The following KDM4B variants were observed in gnomAD, a reference collection of about 807,000 sequenced individuals.
KDM4B encodes the protein lysine demethylase 4B.
A neutral mutation model predicts 125.2 loss-of-function variants in KDM4B; 32 were observed. The ratio of observed to expected loss-of-function variants is 0.26; its 90% CI spans 0.19 to 0.34. The LOEUF is 0.34. Ranked by LOEUF, KDM4B falls within the 10% of genes least tolerant of loss-of-function variation. KDM4B has a pLI of 1.00. For synonymous variants in KDM4B, 721 were observed against 677.9 expected, an observed-to-expected ratio of 1.06 and a Z score of -0.99; for missense variants, 1,190 against 1,577.7, an observed-to-expected ratio of 0.75 and a Z score of 4.16.
chr19:5,094,390 T>C (rs956636198), intron 9 of KDM4B, among the ~76,000 whole-genome samples: 2 of 152,124 alleles, frequency 1.3e-5, no homozygotes, highest in African/African-American at 4.8e-5. Context: ...GGTCGGGGGC[T>C]GCAGTAAGGG....
chr19:5,002,779 T>C (rs1450081070), intron 1 of KDM4B, among the ~76,000 whole-genome samples: 1 of 151,424 alleles, frequency 6.6e-6, no homozygotes, highest in Non-Finnish European at 1.5e-5. Flanking sequence ...GAGACCCCCA[T>C]CTCTACAAAA....
In KDM4B at chr19:5,131,058, C is replaced by T. The variant is rs750995191; in HGVS notation, c.1316-18C>T. The T allele has an allele frequency of 4.0e-6, 6 of 1,489,422 alleles. No homozygotes were observed. Among genetic ancestry groups the T allele is most frequent in the African/African-American group, 1.4e-5 (1 of 71,338 alleles). The allele number at this position is 1,489,422 out of a possible 1,614,324, so 92.3% of individuals were successfully genotyped here. On this transcript the variant is annotated intron_variant, in intron 11 of 22. Transcript: ENST00000159111. ...AGCCCGGGTTCTCCTCCCTGACCTCCCTCTCCTCTTCCCACAGAGGACGGG... is the reference window on the plus strand; with the variant it reads ...AGCCCGGGTTCTCCTCCCTGACCTCTCTCTCCTCTTCCCACAGAGGACGGG...
chr19:5,058,677 G>A (rs1269957499), intron 6 of KDM4B, among the ~76,000 whole-genome samples: 1 of 152,220 alleles, frequency 6.6e-6, no homozygotes, highest in Non-Finnish European at 1.5e-5. Context: ...CCTGTCTGCG[G>A]CCCCTCGCTC....
chr19:5,119,817 C>G lies in KDM4B; in HGVS notation c.1280C>G (p.Pro427Arg). 6.5e-7 allele frequency: 1 copy of G among 1,544,128 alleles called. No individual in the cohort carries two copies. The highest frequency in any genetic ancestry group is 8.7e-7 in the Non-Finnish European group (1 of 1,144,674). The change falls in exon 11 of 23, where the codon CCA (proline) becomes CGA (arginine). Residue 427 changes from proline (P) to arginine (R), a missense_variant. Coordinates refer to ENST00000159111, the MANE Select transcript of KDM4B (RefSeq NM_015015.3). Reference sequence around the variant, plus strand: ...GAGGAGGAGGAGGAGGAGCCGCAGCCACTGCCACACGGCCGGGAGGCCGAG... The same window carrying G: ...GAGGAGGAGGAGGAGGAGCCGCAGCGACTGCCACACGGCCGGGAGGCCGAG... Reference protein sequence around the residue: ...DPEEEEEEPQPLPHGREAEGA... With the variant: ...DPEEEEEEPQRLPHGREAEGA...
intron 1 of KDM4B, among the ~76,000 whole-genome samples, chr19:4,981,078 C>T (rs1400873859): frequency 1.3e-5 from 2 of 152,062 alleles, no homozygotes; most frequent in South Asian, 2.1e-4. Flanking sequence ...TCATTAGTGG[C>T]GAGTCCGCGC....
chr19:5,111,821 A>G (rs770747548), intron 10 of KDM4B: 7 of 765,154 alleles, frequency 9.1e-6, no homozygotes, highest in Non-Finnish European at 1.7e-5. Context: ...TGGCAACTCA[A>G]GACCCTTGCA....
At chr19:5,021,783 G>C (rs1207421352) in intron 2 of KDM4B, among the ~76,000 whole-genome samples, 1 of 151,884 alleles carries the variant, frequency 6.6e-6, no homozygotes, top group African/African-American at 2.4e-5. Context: ...ACAGGAGCGT[G>C]CCACCATGCC....
chr19:5,090,023 GACAAAAAC>G (rs1025951903), intron 9 of KDM4B, among the ~76,000 whole-genome samples: 4 of 152,112 alleles, frequency 2.6e-5, no homozygotes, highest in African/African-American at 9.7e-5. Context: ...GGGGAAACAA[GACAAAAAC>G]ACAAAAACTG....
intron 9 of KDM4B, among the ~76,000 whole-genome samples, chr19:5,087,217 G>T (rs373253377): frequency 6.6e-6 from 1 of 152,268 alleles, no homozygotes; most frequent in African/African-American, 2.4e-5. Context: ...ATTTATTCCC[G>T]TGGGTGTCTT....
intron 15 of KDM4B, 112 bp downstream of exon 15, chr19:5,135,673 C>G: frequency 1.1e-6 from 1 of 917,816 alleles, no homozygotes; most frequent in East Asian, 2.6e-5. Context: ...CCCCTCTCCC[C>G]AGGCTGCACT....
rs1217782952 is a variant in KDM4B at position 4,997,507 on chromosome 19, C to G, written c.-108-18750C>G. ...GCCTGCGTACCCAGTGGGTGGCGCTCAGGTCTGCAGCTGCCTCCTTGGCTC... is the reference window on the plus strand; with the variant it reads ...GCCTGCGTACCCAGTGGGTGGCGCTGAGGTCTGCAGCTGCCTCCTTGGCTC... On this transcript the variant is annotated intron_variant, in intron 1 of 22. Coordinates refer to ENST00000159111, the MANE Select transcript of KDM4B (RefSeq NM_015015.3). The surrounding 1 kb of genome is among the most constrained non-coding windows in gnomAD (Gnocchi z 4.2). 6.6e-6 allele frequency among the ~76,000 whole-genome samples: 1 copy of G among 152,132 alleles called. No individual in the cohort carries two copies. Among genetic ancestry groups the G allele is most frequent in the Admixed American group, 6.5e-5 (1 of 15,282 alleles).
chr19:5,066,536 G>A (rs1351692212), intron 6 of KDM4B, among the ~76,000 whole-genome samples: 1 of 152,234 alleles, frequency 6.6e-6, no homozygotes, highest in African/African-American at 2.4e-5. Context: ...CAACTCCAGA[G>A]GGGCCACGTC....
chr19:5,131,136 T>C lies in KDM4B; in HGVS notation c.1376T>C (p.Phe459Ser), dbSNP rs981526389. Reference protein sequence around the residue: ...KAKSERKKKSFGLLPPQLPPP... With the variant: ...KAKSERKKKSSGLLPPQLPPP... ...AAGAGCGAGCGGAAGAAGAAGAGCT[T>C]CGGCCTGCTGCCCCCACAGCTGCCG... The change falls in exon 12 of 23, where the codon TTC becomes TCC. Residue 459 changes from phenylalanine (F) to serine (S), a missense_variant. Coordinates refer to ENST00000159111, the MANE Select transcript of KDM4B (RefSeq NM_015015.3). 7.8e-6 allele frequency: 12 copies of C among 1,539,472 alleles called. No individual in the cohort carries two copies. Among genetic ancestry groups the C allele is most frequent in the Non-Finnish European group, 8.7e-6 (10 of 1,143,066 alleles).
intron 7 of KDM4B, 77 bp downstream of exon 7, chr19:5,071,136 G>A (rs887535920): frequency 2.2e-5 from 30 of 1,382,156 alleles, no homozygotes; most frequent in African/African-American, 8.5e-5. Context: ...GGCAGCTGGC[G>A]TCCCCCGGGC....
In KDM4B at chr19:5,019,234, T is replaced by G. The variant is rs1599426443; in HGVS notation, c.-26+2895T>G. 3.3e-5 allele frequency among the ~76,000 whole-genome samples: 3 copies of G among 91,030 alleles called. No individual in the cohort carries two copies. In the Admixed American group the frequency reaches 3.8e-4, roughly 11 times the overall value. The allele number at this position is 91,030 out of a possible 152,430, so 59.7% of individuals were successfully genotyped here. ...CTGGTGTGGATGTTGGTGTGGGTGT[T>G]GGTGTGCACGTATTGGTGTGCAGGT... On this transcript the variant is annotated intron_variant, in intron 2 of 22. Coordinates refer to ENST00000159111, the MANE Select transcript of KDM4B (RefSeq NM_015015.3).
chr19:5,099,526 C>A (rs778149606), intron 9 of KDM4B, among the ~76,000 whole-genome samples: 23 of 152,216 alleles, frequency 1.5e-4, no homozygotes, highest in Admixed American at 4.6e-4. Context: ...GAGGCCTTCC[C>A]AGAATGGGGG....
At position 5,081,902 on chromosome 19, in the gene KDM4B, C is replaced by T. The variant is rs1308460592; in HGVS notation, c.781-465C>T. 3.9e-5 allele frequency among the ~76,000 whole-genome samples: 6 copies of T among 152,196 alleles called. No homozygotes were observed. The highest frequency in any genetic ancestry group is 7.3e-5 in the Non-Finnish European group (5 of 68,030). On this transcript the variant is annotated intron_variant, in intron 8 of 22. Coordinates refer to ENST00000159111, the MANE Select transcript of KDM4B (RefSeq NM_015015.3). This position sits in a 1 kb window ranked among gnomAD's most constrained non-coding sequence, Gnocchi z 4.2. Reference sequence around the variant, plus strand: ...CTCTAAAGCTGCTGTCAGCACCACCCGCCCCGAAACCAGCCCCAGCTGCTT... The same window carrying T: ...CTCTAAAGCTGCTGTCAGCACCACCTGCCCCGAAACCAGCCCCAGCTGCTT...
At chr19:5,096,554 G>A (rs1323877944) in intron 9 of KDM4B, among the ~76,000 whole-genome samples, 2 of 152,310 alleles carry the variant, frequency 1.3e-5, no homozygotes, top group African/African-American at 4.8e-5. Flanking sequence ...ACTTCCGTGC[G>A]ATGTGGCATT....
At chr19:5,040,123 G>A (rs1008825171) in intron 4 of KDM4B, 112 bp downstream of exon 4, 4 of 1,203,238 alleles carry the variant, frequency 3.3e-6, no homozygotes, top group African/African-American at 1.5e-5. Flanking sequence ...AGCATGGCCG[G>A]CCTGCTCTGT....
Sources: allele counts gnomAD v4.1 joint callset (sites outside exome capture counted in the v4.1 genomes callset), GRCh38; gene constraint gnomAD v4.1.1; non-coding constraint Gnocchi (gnomAD v3.1); transcripts MANE v1.5; gene names NCBI Gene and HGNC (gene_info 2026-07-23, HGNC 2026-07-21).